Variants in TTLL11 observed in about 807,000 individuals in gnomAD.
TTLL11 encodes the protein tubulin tyrosine ligase like 11.
TTLL11 carries 42 observed loss-of-function variants against 51.7 expected under a neutral mutation model. That is an observed-to-expected ratio of 0.81 (90% confidence interval 0.64 to 1.05). TTLL11 has a LOEUF of 1.05. TTLL11 is among the 50% of genes least tolerant of loss of function. The pLI, the probability that TTLL11 is intolerant of heterozygous loss-of-function variation, is 0.00. For synonymous variants in TTLL11, 381 were observed against 383.5 expected (o/e 0.99, Z 0.08); for missense variants, 799 against 940.4 (o/e 0.85, Z 1.97).
At chr9:121,985,960 G>A (rs986107286) in intron 4 of TTLL11, among the ~76,000 whole-genome samples, 10 of 152,224 alleles carry the variant, frequency 6.6e-5, no homozygotes, top group Non-Finnish European at 1.5e-4. Context: ...GGAAGTGAGC[G>A]TAGGTGATTT....
intron 8 of TTLL11, among the ~76,000 whole-genome samples, chr9:121,823,632 C>T (rs897075949): frequency 2.0e-5 from 3 of 152,154 alleles, no homozygotes; most frequent in African/African-American, 4.8e-5. Flanking sequence ...CCCGGTTTGA[C>T]GGCAAAGTTC....
intron 1 of TTLL11, among the ~76,000 whole-genome samples, chr9:122,089,997 T>C (rs932006343): frequency 6.6e-6 from 1 of 151,430 alleles, no homozygotes; most frequent in African/African-American, 2.5e-5. Flanking sequence ...TCCACCTATA[T>C]GCCAATGTGT....
At chr9:122,042,056 C>T (rs1166435344) in intron 1 of TTLL11, among the ~76,000 whole-genome samples, 1 of 149,526 alleles carries the variant, frequency 6.7e-6, no homozygotes, top group Non-Finnish European at 1.5e-5. Context: ...ATCACCCAGG[C>T]TGGAGTGCAG....
intron 6 of TTLL11, among the ~76,000 whole-genome samples, chr9:121,920,925 C>A (rs867158226): frequency 6.6e-6 from 1 of 152,184 alleles, no homozygotes; most frequent in East Asian, 1.9e-4. Context: ...GAAGAGAGAG[C>A]GTCTAGCTAA....
intron 6 of TTLL11, among the ~76,000 whole-genome samples, chr9:121,934,128 G>A (rs1564313075): frequency 6.6e-6 from 1 of 152,192 alleles, no homozygotes; most frequent in East Asian, 1.9e-4. Flanking sequence ...AGCTACTTGG[G>A]AGGCTGAGGC....
chr9:122,089,680 A>G (rs1846210283), intron 1 of TTLL11, among the ~76,000 whole-genome samples: 1 of 152,246 alleles, frequency 6.6e-6, no homozygotes, highest in Non-Finnish European at 1.5e-5. Context: ...GACATAAGTC[A>G]GATACCACCC....
In TTLL11 at chr9:122,092,927, C is replaced by T. The variant is rs1331414749; in HGVS notation, c.222G>A (p.Glu74=). 5.7e-6 allele frequency: 9 copies of T among 1,581,034 alleles called. No homozygotes were observed. The highest frequency in any genetic ancestry group is 1.3e-5 in the African/African-American group (1 of 74,122). The change falls in exon 1 of 9, where the codon GAG becomes GAA. Residue 74 remains glutamate (E), a synonymous_variant. Transcript: ENST00000321582. ...GCTGAAGGACCTGGGTGTTCCCCTCCTCAGCCGCACTGGGCTGCGCCGGGG... is the reference window on the plus strand; with the variant it reads ...GCTGAAGGACCTGGGTGTTCCCCTCTTCAGCCGCACTGGGCTGCGCCGGGG... The part of the protein sequence containing the change: ...APAPAQPSAA[E]EGNTQVLQRP...
At chr9:121,912,172 A>T (rs1840149495) in intron 6 of TTLL11, among the ~76,000 whole-genome samples, 1 of 152,212 alleles carries the variant, frequency 6.6e-6, no homozygotes, top group Non-Finnish European at 1.5e-5. Flanking sequence ...TGGGCCGCTC[A>T]TCTACTGTAC....
chr9:121,923,971 G>A (rs1840628451), intron 6 of TTLL11, among the ~76,000 whole-genome samples: 1 of 152,114 alleles, frequency 6.6e-6, no homozygotes, highest in African/African-American at 2.4e-5. Context: ...TATCTTATGA[G>A]ACTTATTAAG....
At chr9:121,939,758 A>C (rs1841370184) in intron 6 of TTLL11, among the ~76,000 whole-genome samples, 1 of 152,194 alleles carries the variant, frequency 6.6e-6, no homozygotes, top group African/African-American at 2.4e-5. Flanking sequence ...GCACTGAGAT[A>C]ATCGCTGGTG....
chr9:122,072,857 A>G (rs545797317), intron 1 of TTLL11, among the ~76,000 whole-genome samples: 1 of 151,836 alleles, frequency 6.6e-6, no homozygotes, highest in Admixed American at 6.6e-5. Flanking sequence ...CGCTTCCTAC[A>G]CCGGATAGTA....
chr9:121,897,648 G>GCGCA (rs1554766743), intron 6 of TTLL11, among the ~76,000 whole-genome samples: 1 of 57,638 alleles, frequency 1.7e-5, no homozygotes, highest in East Asian at 6.8e-4. Context: ...ACACGCGCGC[G>GCGCA]CGAAGTCTCC....
intron 3 of TTLL11, among the ~76,000 whole-genome samples, chr9:122,004,856 T>C (rs895154535): frequency 6.6e-6 from 1 of 152,228 alleles, no homozygotes; most frequent in Non-Finnish European, 1.5e-5. Context: ...GCCTTCCTAC[T>C]GTAATAAAAG....
intron 6 of TTLL11, among the ~76,000 whole-genome samples, chr9:121,886,579 C>T (rs975049345): frequency 6.6e-6 from 1 of 152,220 alleles, no homozygotes; most frequent in African/African-American, 2.4e-5. Flanking sequence ...GGACACCCTG[C>T]TCTCAGACTT....
intron 8 of TTLL11, among the ~76,000 whole-genome samples, chr9:121,834,316 G>T (rs1472475337): frequency 6.6e-6 from 1 of 152,176 alleles, no homozygotes; most frequent in Non-Finnish European, 1.5e-5. Flanking sequence ...TCAAACCTGG[G>T]CATCTCCCAG....
intron 1 of TTLL11, among the ~76,000 whole-genome samples, chr9:122,077,462 A>G (rs1417310682): frequency 6.6e-6 from 1 of 152,194 alleles, no homozygotes; most frequent in Non-Finnish European, 1.5e-5. Flanking sequence ...AGGGTAATCA[A>G]TAGAAGAATA....
intron 6 of TTLL11, among the ~76,000 whole-genome samples, chr9:121,908,222 C>T (rs1460634689): frequency 6.6e-6 from 1 of 152,172 alleles, no homozygotes; most frequent in African/African-American, 2.4e-5. Context: ...TCCAAACTTG[C>T]TGGAAGGCTG....
At chr9:122,085,773 A>C (rs1375791216) in intron 1 of TTLL11, among the ~76,000 whole-genome samples, 1 of 152,152 alleles carries the variant, frequency 6.6e-6, no homozygotes, top group Admixed American at 6.5e-5. Flanking sequence ...CTCTCACAAA[A>C]ATTCTGTGAG....
chr9:122,047,179 C>A (rs961189975), intron 1 of TTLL11, among the ~76,000 whole-genome samples: 3 of 152,152 alleles, frequency 2.0e-5, no homozygotes, highest in Non-Finnish European at 2.9e-5. Context: ...CCAGCATATG[C>A]CTGTTGTCCT....
Sources: gnomAD v4.1 joint callset for allele counts (sites outside exome capture counted in the v4.1 genomes callset) on GRCh38, gnomAD v4.1.1 for gene constraint, MANE v1.5 for transcripts, NCBI Gene and HGNC (gene_info 2026-07-23, HGNC 2026-07-21) for gene names.